Variants in TRPM7 observed in about 807,000 individuals in gnomAD.
TRPM7 encodes transient receptor potential cation channel subfamily M member 7.
A neutral mutation model predicts 229.7 loss-of-function variants in TRPM7; 134 were observed. That is an observed-to-expected ratio of 0.58 (90% CI 0.51 to 0.67). The LOEUF (loss-of-function observed/expected upper bound fraction) is 0.67. Ranked by LOEUF, TRPM7 falls within the 30% of genes least tolerant of loss-of-function variation. The pLI is 0.00. For missense variants in TRPM7, 1,901 were observed against 2,210.0 expected (o/e 0.86, Z 2.80); for synonymous variants, 699 against 715.2 (o/e 0.98, Z 0.36).
intron 10 of TRPM7, among the ~76,000 whole-genome samples, 196 bp from the exon 11 acceptor site, chr15:50,628,445 T>C (rs2060631650): frequency 6.6e-6 from 1 of 152,056 alleles, no homozygotes; most frequent in Admixed American, 6.6e-5. Flanking sequence ...TAGCCGAGAC[T>C]ACAGATGAGC....
chr15:50,568,026 C>T (rs188762942), intron 38 of TRPM7, among the ~76,000 whole-genome samples: 3 of 135,586 alleles, frequency 2.2e-5, no homozygotes, highest in African/African-American at 5.5e-5. Flanking sequence ...TTGCAGTGAG[C>T]GGAGACCACA....
chr15:50,649,178 C>T (rs926759515), intron 3 of TRPM7, among the ~76,000 whole-genome samples: 11 of 152,020 alleles, frequency 7.2e-5, no homozygotes, highest in African/African-American at 2.2e-4. Flanking sequence ...GTGGCTCACG[C>T]GGGTAATCCC....
At chr15:50,583,501 G>C (rs2054528188) in intron 28 of TRPM7, among the ~76,000 whole-genome samples, 1 of 151,782 alleles carries the variant, frequency 6.6e-6, no homozygotes, top group South Asian at 2.1e-4. Flanking sequence ...ACATACCCCC[G>C]CCAATATTTA....
intron 1 of TRPM7, among the ~76,000 whole-genome samples, chr15:50,666,915 A>G (rs1294235509): frequency 9.2e-5 from 14 of 152,178 alleles, no homozygotes; most frequent in Non-Finnish European, 1.3e-4. Flanking sequence ...CCTCTGGAGT[A>G]GCCATTCTTC....
chr15:50,623,424 A>G (rs1314620845), intron 12 of TRPM7, among the ~76,000 whole-genome samples: 1 of 151,304 alleles, frequency 6.6e-6, no homozygotes, highest in African/African-American at 2.4e-5. Context: ...AAAAAAAAAG[A>G]AAGAAAAAAG....
At chr15:50,580,786 TAA>T (rs1428541310) in intron 30 of TRPM7, 86 bp downstream of exon 30, 2 of 1,230,384 alleles carry the variant, frequency 1.6e-6, no homozygotes, top group South Asian at 3.1e-5. Context: ...AAAGAAATGT[TAA>T]AGAGATGATG....
intron 22 of TRPM7, among the ~76,000 whole-genome samples, chr15:50,598,198 G>C (rs2059683061): frequency 1.3e-5 from 2 of 151,978 alleles, no homozygotes; most frequent in African/African-American, 2.4e-5. Flanking sequence ...AAGAATAAGA[G>C]TGAGAGAGAA....
chr15:50,647,038 C>A (rs1391666585), intron 4 of TRPM7, among the ~76,000 whole-genome samples: 1 of 152,242 alleles, frequency 6.6e-6, no homozygotes, highest in Non-Finnish European at 1.5e-5. Flanking sequence ...AATTGCCTAA[C>A]ACATCTCTGA....
Position 50,611,218 on chromosome 15 carries a change from A to T in TRPM7, c.2155T>A (p.Ser719Thr). ...LTYELKNWSN[S>T]TCLKLAVSSR... ...GAAACTGCTAACTTAAGGCAGGTTG[A>T]ATTACTCCAGTTCTTCAGTTCATAA... is the stretch of plus-strand genomic sequence containing the variant. Residue 719 changes from serine (S) to threonine (T), a missense_variant, in exon 17 of 39, where the codon TCA (serine) becomes ACA (threonine). Physicochemically the swap from Ser to Thr is moderately conservative, Grantham distance 58 (BLOSUM62 1). Coordinates refer to ENST00000646667, the MANE Select transcript of TRPM7 (RefSeq NM_017672.6). 1 of 1,614,000 alleles carries T rather than the reference A, an allele frequency of 6.2e-7. No homozygotes were observed. The highest frequency in any genetic ancestry group is 8.5e-7 in the Non-Finnish European group (1 of 1,179,952).
At chr15:50,680,373 T>TC (rs2062214616) in intron 1 of TRPM7, among the ~76,000 whole-genome samples, 1 of 151,956 alleles carries the variant, frequency 6.6e-6, no homozygotes, top group Non-Finnish European at 1.5e-5. Context: ...AAACTCTGTC[T>TC]CCAGTAAAAA....
At chr15:50,573,230 C>G (rs1419607393) in intron 36 of TRPM7, among the ~76,000 whole-genome samples, 1 of 152,094 alleles carries the variant, frequency 6.6e-6, no homozygotes, top group Non-Finnish European at 1.5e-5. Context: ...TGTAAGTTGC[C>G]TTGATCAGTA....
chr15:50,656,354 C>G (rs1219964177), intron 3 of TRPM7, among the ~76,000 whole-genome samples: 1 of 151,928 alleles, frequency 6.6e-6, no homozygotes, highest in East Asian at 1.9e-4. Context: ...GGCAGGAGTG[C>G]AGTGGTGTGA....
intron 2 of TRPM7, among the ~76,000 whole-genome samples, chr15:50,658,988 G>C (rs985115602): frequency 7.2e-5 from 11 of 152,010 alleles, no homozygotes; most frequent in African/African-American, 2.7e-4. Flanking sequence ...CACGAGGTCA[G>C]GAGATCAAGA....
intron 36 of TRPM7, among the ~76,000 whole-genome samples, chr15:50,572,958 G>C (rs547948946): frequency 6.6e-6 from 1 of 152,284 alleles, no homozygotes; most frequent in African/African-American, 2.4e-5. Context: ...ATAATGAAGA[G>C]AAGAGCTGGC....
At chr15:50,657,390 CA>C (rs2061605381) in intron 3 of TRPM7, among the ~76,000 whole-genome samples, 2 of 152,136 alleles carry the variant, frequency 1.3e-5, no homozygotes, top group Admixed American at 1.3e-4. Flanking sequence ...AACATGAAAT[CA>C]AAAGCATGTG....
intron 21 of TRPM7, among the ~76,000 whole-genome samples, chr15:50,603,408 C>T (rs1231274538): frequency 1.3e-5 from 2 of 151,470 alleles, no homozygotes; most frequent in African/African-American, 2.4e-5. Context: ...TGTTGGTGTG[C>T]TGCACTCATT....
chr15:50,610,066 G>A, intron 17 of TRPM7, 105 bp from the exon 18 acceptor site: 1 of 887,366 alleles, frequency 1.1e-6, no homozygotes, highest in Non-Finnish European at 1.6e-6. Flanking sequence ...TAAATATCTT[G>A]TGATTAGCCA....
At chr15:50,597,684 G>A (rs1185666458) in intron 22 of TRPM7, among the ~76,000 whole-genome samples, 1 of 152,138 alleles carries the variant, frequency 6.6e-6, no homozygotes, top group Non-Finnish European at 1.5e-5. Flanking sequence ...GCCAAAGCAG[G>A]CCAATCACTT....
At chr15:50,614,585 A>G (rs1407756829) in intron 13 of TRPM7, among the ~76,000 whole-genome samples, 1 of 150,800 alleles carries the variant, frequency 6.6e-6, no homozygotes, top group Non-Finnish European at 1.5e-5. Context: ...GAATTGCTTG[A>G]ACTTGGGAGG....
Sources: allele counts gnomAD v4.1 joint callset (sites outside exome capture counted in the v4.1 genomes callset), GRCh38; gene constraint gnomAD v4.1.1; transcripts MANE v1.5; gene names NCBI Gene and HGNC (gene_info 2026-07-23, HGNC 2026-07-21).